Variants in SLC39A11 observed in about 807,000 individuals in gnomAD.
SLC39A11 encodes the protein zinc transporter ZIP11.
SLC39A11 carries 33 observed loss-of-function variants against 36.1 expected under a neutral mutation model. The observed-to-expected ratio is 0.91, with a 90% CI of 0.69 to 1.22. SLC39A11 has a LOEUF of 1.22. SLC39A11 is among the 50% of genes most tolerant of loss of function. SLC39A11 has a pLI of 0.00. For missense variants in SLC39A11, 432 were observed against 430.3 expected (o/e 1.00, Z -0.03); for synonymous variants, 166 against 170.3 (o/e 0.97, Z 0.20).
intron 7 of SLC39A11, among the ~76,000 whole-genome samples, chr17:72,706,461 A>C (rs1401982049): frequency 6.6e-6 from 1 of 152,170 alleles, no homozygotes; most frequent in Non-Finnish European, 1.5e-5. Context: ...CCAACTCTGT[A>C]GTGTTCCTAA....
At chr17:72,844,776 TAGTC>T (rs1487703088) in intron 6 of SLC39A11, among the ~76,000 whole-genome samples, 2 of 152,208 alleles carry the variant, frequency 1.3e-5, no homozygotes, top group African/African-American at 4.8e-5. Flanking sequence ...TCCAGCTGTC[TAGTC>T]AGTATCTCCA....
intron 4 of SLC39A11, among the ~76,000 whole-genome samples, chr17:72,988,873 T>C (rs2088958312): frequency 6.6e-6 from 1 of 152,112 alleles, no homozygotes; most frequent in Admixed American, 6.6e-5. Flanking sequence ...CACGCCCAGC[T>C]AATTTTTGTA....
At chr17:72,898,733 T>C (rs72847958) in intron 5 of SLC39A11, among the ~76,000 whole-genome samples, 2 of 152,194 alleles carry the variant, frequency 1.3e-5, no homozygotes, top group Non-Finnish European at 1.5e-5. Flanking sequence ...TAGATATTCA[T>C]ACATTATGCA....
At chr17:72,980,795 C>T (rs774071307) in intron 4 of SLC39A11, among the ~76,000 whole-genome samples, 12 of 152,106 alleles carry the variant, frequency 7.9e-5, no homozygotes, top group Admixed American at 2.6e-4. Context: ...GAGGCTGAGG[C>T]GGGTGGATCA....
At chr17:72,835,848 T>C (rs113428403) in intron 6 of SLC39A11, among the ~76,000 whole-genome samples, 2,422 of 152,326 alleles carry the variant, frequency 0.016, 52 homozygotes, top group African/African-American at 0.055. Flanking sequence ...AAGACTCTCA[T>C]GATCTCACCT....
chr17:73,019,556 G>C (rs935132937), intron 4 of SLC39A11, among the ~76,000 whole-genome samples: 2 of 152,152 alleles, frequency 1.3e-5, no homozygotes. Context: ...ATTCAAGGTA[G>C]ACCATGATAA....
At chr17:73,002,304 T>G (rs2089868085) in intron 4 of SLC39A11, among the ~76,000 whole-genome samples, 1 of 152,154 alleles carries the variant, frequency 6.6e-6, no homozygotes, top group Admixed American at 6.5e-5. Flanking sequence ...GTATTGGGGC[T>G]TAAAGGGGCA....
chr17:72,698,738 A>G (rs1042644272), intron 7 of SLC39A11, among the ~76,000 whole-genome samples: 3 of 152,180 alleles, frequency 2.0e-5, no homozygotes, highest in African/African-American at 7.2e-5. Context: ...TGGAACTGGC[A>G]TTATCCCCAC....
rs117222786 is a variant in SLC39A11, at chr17:73,058,186, G to A, written c.148-26472C>T. On this transcript the variant is annotated intron_variant, in intron 3 of 9. Transcript: ENST00000255559. ...CATTTTGTCTTCACCAGGCTTGCGT[G>A]TTTGTTTGTCTTGGCAAATAATACT... Among the ~76,000 whole-genome samples, 5 of 152,184 alleles carry A rather than the reference G, an allele frequency of 3.3e-5. No homozygotes were observed. In the East Asian group the frequency reaches 9.6e-4, roughly 29 times the overall value.
At chr17:72,943,041 G>A (rs1008235012) in intron 5 of SLC39A11, among the ~76,000 whole-genome samples, 7 of 152,164 alleles carry the variant, frequency 4.6e-5, no homozygotes, top group Admixed American at 2.6e-4. Flanking sequence ...ATGTTTAACA[G>A]GGAAAATGGG....
At chr17:73,055,438 C>CTT (rs113094163) in intron 3 of SLC39A11, among the ~76,000 whole-genome samples, 1 of 143,288 alleles carries the variant, frequency 7.0e-6, no homozygotes. Context: ...ACTTTTTTTT[C>CTT]TTTTTTTTTT....
intron 4 of SLC39A11, among the ~76,000 whole-genome samples, chr17:73,017,333 C>T (rs1345559167): frequency 6.6e-6 from 1 of 152,140 alleles, no homozygotes; most frequent in African/African-American, 2.4e-5. Context: ...AAAGGGTGCA[C>T]CACGTTCACC....
intron 6 of SLC39A11, among the ~76,000 whole-genome samples, chr17:72,766,184 G>A (rs561317469): frequency 1.3e-3 from 203 of 152,302 alleles, no homozygotes; most frequent in African/African-American, 4.7e-3. Flanking sequence ...AGGTGGAGGT[G>A]AGGATGGAGT....
intron 4 of SLC39A11, among the ~76,000 whole-genome samples, chr17:72,998,609 T>C (rs1462355803): frequency 1.3e-5 from 2 of 151,892 alleles, no homozygotes; most frequent in Non-Finnish European, 2.9e-5. Flanking sequence ...GGGCAGTAAG[T>C]GGGAATGAGG....
chr17:72,823,173 C>G (rs1409356860), intron 6 of SLC39A11, among the ~76,000 whole-genome samples: 10 of 151,264 alleles, frequency 6.6e-5, no homozygotes, highest in African/African-American at 2.4e-4. Context: ...TGAGAACTCT[C>G]TCTGTGGATG....
chr17:72,888,844 G>C (rs2081574231), intron 5 of SLC39A11, among the ~76,000 whole-genome samples: 1 of 152,046 alleles, frequency 6.6e-6, no homozygotes, highest in Non-Finnish European at 1.5e-5. Context: ...CAAGACTGCA[G>C]TGAGCTATGA....
intron 6 of SLC39A11, among the ~76,000 whole-genome samples, chr17:72,755,858 G>A (rs958900532): frequency 6.6e-6 from 1 of 152,204 alleles, no homozygotes; most frequent in East Asian, 1.9e-4. Context: ...GCAACCCTGT[G>A]ATTTCTGGGA....
At chr17:72,735,138 A>G (rs1568004345) in intron 7 of SLC39A11, among the ~76,000 whole-genome samples, 1 of 152,176 alleles carries the variant, frequency 6.6e-6, no homozygotes, top group Non-Finnish European at 1.5e-5. Flanking sequence ...GGAGTCTGAG[A>G]GGCAGGAACA....
rs2144002528 is a variant in SLC39A11 at position 73,053,861 on chromosome 17, A to G, written c.148-22147T>C. On this transcript the variant is annotated intron_variant, in intron 3 of 9. Coordinates refer to ENST00000255559, the MANE Select transcript of SLC39A11 (RefSeq NM_139177.4). ...AATTAAAACGTGGGGAAATTTTCAA[A>G]CTGCTTCAGAGATGTAATGAGTTTA... 2.0e-5 allele frequency among the ~76,000 whole-genome samples: 3 copies of G among 152,306 alleles called. No individual in the cohort carries two copies. In the South Asian group the frequency reaches 6.2e-4, roughly 32 times the overall value.
Sources: allele counts gnomAD v4.1 joint callset (sites outside exome capture counted in the v4.1 genomes callset), GRCh38; gene constraint gnomAD v4.1.1; transcripts MANE v1.5; gene names NCBI Gene and HGNC (gene_info 2026-07-23, HGNC 2026-07-21).